RANBP2: variants seen among roughly 807,000 people sequenced by gnomAD.
The protein encoded by RANBP2 is RAN binding protein 2.
In RANBP2, 57 loss-of-function variants were observed where a neutral mutation model predicts 303.6. The observed-to-expected ratio is 0.19, with a 90% CI of 0.15 to 0.23. The LOEUF (loss-of-function observed/expected upper bound fraction) is 0.23. RANBP2 is among the 10% of genes least tolerant of loss of function. The pLI, the probability that RANBP2 is intolerant of heterozygous loss-of-function variation, is 1.00. For missense variants in RANBP2, 3,138 were observed against 3,780.8 expected (o/e 0.83, Z 4.46); for synonymous variants, 1,167 against 1,301.5 (o/e 0.90, Z 2.23).
chr2:108,743,757 G>C (rs934576952), intron 7 of RANBP2, among the ~76,000 whole-genome samples: 12 of 152,168 alleles, frequency 7.9e-5, no homozygotes, highest in African/African-American at 2.9e-4. Flanking sequence ...ATGTGGGTGT[G>C]CTTTACCTAT....
chr2:109,499,721 T>C, the RANBP2 span, among the ~76,000 whole-genome samples: 1 of 152,328 alleles, frequency 6.6e-6, no homozygotes, highest in South Asian at 2.1e-4. Context: ...CCTCCTCCTC[T>C]GTGGCTTGCA....
At chr2:109,567,953 G>A in the RANBP2 span, 1 of 1,611,350 alleles carries the variant, frequency 6.2e-7, no homozygotes, top group Non-Finnish European at 8.5e-7. Flanking sequence ...TATCTGCTTT[G>A]GCAATCACTG....
At chr2:109,296,623 G>T in the RANBP2 span, among the ~76,000 whole-genome samples, 1 of 152,168 alleles carries the variant, frequency 6.6e-6, no homozygotes, top group South Asian at 2.1e-4. Flanking sequence ...AGGGACTCAG[G>T]GTAAATGAGC....
At chr2:109,599,154 GA>G in the RANBP2 span, among the ~76,000 whole-genome samples, 29 of 151,684 alleles carry the variant, frequency 1.9e-4, no homozygotes, top group Admixed American at 1.6e-3. Flanking sequence ...TTACAACCCA[GA>G]AAAAAAAGAA....
the RANBP2 span, among the ~76,000 whole-genome samples, chr2:109,456,278 ACTCCAGGTCCT>A: frequency 6.6e-6 from 1 of 151,502 alleles, no homozygotes; most frequent in Admixed American, 6.6e-5. Flanking sequence ...AGCACCGGCG[ACTCCAGGTCCT>A]CTTCCTGTTC....
At chr2:109,127,027 A>C in the RANBP2 span, among the ~76,000 whole-genome samples, 1 of 152,200 alleles carries the variant, frequency 6.6e-6, no homozygotes, top group Non-Finnish European at 1.5e-5. Flanking sequence ...GTTTCCATGC[A>C]CTGCGAGGTG....
chr2:109,544,067 AT>A, the RANBP2 span: 1 of 1,297,150 alleles, frequency 7.7e-7, no homozygotes, highest in East Asian at 2.5e-5. Flanking sequence ...AAAGATTCAG[AT>A]TTTGAAGCTT....
chr2:108,737,043 C>A (rs1222479525), intron 6 of RANBP2, among the ~76,000 whole-genome samples: 1 of 116,652 alleles, frequency 8.6e-6, no homozygotes, highest in Non-Finnish European at 1.8e-5. Context: ...TTTAGGCTGT[C>A]CATGTGGAAG....
the RANBP2 span, among the ~76,000 whole-genome samples, chr2:109,057,657 G>A: frequency 6.6e-6 from 1 of 152,326 alleles, no homozygotes; most frequent in South Asian, 2.1e-4. Context: ...CTGAGCCTCC[G>A]ATTAGCTGTG....
the RANBP2 span, among the ~76,000 whole-genome samples, chr2:108,941,052 A>G: frequency 5.9e-5 from 9 of 152,146 alleles, no homozygotes; most frequent in Non-Finnish European, 1.0e-4. Flanking sequence ...GGTCATCACT[A>G]TAAATTTAAA....
chr2:109,794,691 A>C, the RANBP2 span: 1 of 713,038 alleles, frequency 1.4e-6, no homozygotes, highest in Non-Finnish European at 1.6e-6. Context: ...CGCTCTGTTG[A>C]GGCGCCGGCC....
the RANBP2 span, among the ~76,000 whole-genome samples, chr2:109,073,588 GA>G: frequency 6.7e-6 from 1 of 150,208 alleles, no homozygotes; most frequent in Non-Finnish European, 1.5e-5. Flanking sequence ...AGGATTACTT[GA>G]ACCTGGGAGG....
the RANBP2 span, among the ~76,000 whole-genome samples, chr2:109,308,948 C>T: frequency 1.2e-5 from 1 of 80,842 alleles, no homozygotes; most frequent in Non-Finnish European, 2.1e-5. Flanking sequence ...TAGTTTTTTC[C>T]AATTCTGTGA....
intron 6 of RANBP2, among the ~76,000 whole-genome samples, chr2:108,738,051 G>A (rs936136982): frequency 2.7e-5 from 4 of 149,380 alleles, no homozygotes; most frequent in African/African-American, 9.9e-5. Context: ...GTAGAAACAG[G>A]GTTTCATCAT....
intron 28 of RANBP2, 83 bp from the exon 29 acceptor site, chr2:108,783,513 C>CTGTGTG (rs1678405077): frequency 9.9e-7 from 1 of 1,008,784 alleles, no homozygotes; most frequent in Non-Finnish European, 1.5e-6. Context: ...GTGATGAGTT[C>CTGTGTG]TGTGTGTATT....
In RANBP2 at chr2:108,768,206, A is replaced by G. The variant is rs765276386; in HGVS notation, c.7667A>G (p.Asn2556Ser). Reference protein sequence around the residue: ...GFSFNAPLKSNNSETSSVAQS... With the variant: ...GFSFNAPLKSSNSETSSVAQS... The stretch of plus-strand genomic sequence containing the variant: ...AGTTTTAATGCACCTTTGAAAAGTA[A>G]CAATAGTGAAACTAGTTCAGTAGCC... Residue 2556 changes from asparagine to serine, a missense_variant, in exon 20 of 29, where the codon AAC becomes AGC. This residue lies in a region of RANBP2 where 497 missense variants were observed against 465.8 expected (regional missense o/e 1.07). Coordinates refer to ENST00000283195, the MANE Select transcript of RANBP2 (RefSeq NM_006267.5). 1 of 1,612,028 alleles carries G rather than the reference A, an allele frequency of 6.2e-7. No individual in the cohort carries two copies. The highest frequency in any genetic ancestry group is 8.5e-7 in the Non-Finnish European group (1 of 1,179,860).
chr2:109,330,624 A>G, the RANBP2 span, among the ~76,000 whole-genome samples: 3 of 152,148 alleles, frequency 2.0e-5, no homozygotes, highest in Non-Finnish European at 4.4e-5. Context: ...TGTGTGGTGG[A>G]TGGATGGAGG....
chr2:108,778,425 A>G (rs191907814), intron 25 of RANBP2, among the ~76,000 whole-genome samples: 2 of 152,214 alleles, frequency 1.3e-5, no homozygotes, highest in Middle Eastern at 3.2e-3. Context: ...ACAGGTTTTC[A>G]TAGGGAATCT....
the RANBP2 span, among the ~76,000 whole-genome samples, chr2:109,292,689 C>G: frequency 6.6e-6 from 1 of 152,178 alleles, no homozygotes; most frequent in East Asian, 1.9e-4. Flanking sequence ...GAGAGGAGCA[C>G]AAACCGGCCT....
Sources: gnomAD v4.1 joint callset for allele counts (sites outside exome capture counted in the v4.1 genomes callset) on GRCh38, gnomAD v4.1.1 for gene constraint, gnomAD v4.1.1 regional missense constraint, MANE v1.5 for transcripts, NCBI Gene and HGNC (gene_info 2026-07-23, HGNC 2026-07-21) for gene names.